The following ULK4 variants were observed in gnomAD, a reference collection of about 807,000 sequenced individuals.
The protein encoded by ULK4 is unc-51 like kinase 4.
ULK4 carries 133 observed loss-of-function variants against 160.6 expected under a neutral mutation model. The ratio of observed to expected loss-of-function variants is 0.83; its 90% confidence interval spans 0.72 to 0.96. The LOEUF (loss-of-function observed/expected upper bound fraction) is 0.96, where lower values mean the gene tolerates loss of function less well. Among genes scored for constraint, ULK4 ranks in the 40% least tolerant of loss-of-function variants. ULK4 has a pLI of 0.00. For missense variants in ULK4, 1,580 were observed against 1,499.5 expected (o/e 1.05, Z -0.89); for synonymous variants, 534 against 539.8 (o/e 0.99, Z 0.15).
At chr3:41,665,077 T>A (rs1420310647) in intron 29 of ULK4, among the ~76,000 whole-genome samples, 1 of 152,100 alleles carries the variant, frequency 6.6e-6, no homozygotes, top group Non-Finnish European at 1.5e-5. Flanking sequence ...AGCCAACAAC[T>A]AAAAAGGAAG....
In ULK4 at chr3:41,717,736, C is replaced by G. The variant is rs558297627; in HGVS notation, c.2447G>C (p.Arg816Pro). 1.2e-6 allele frequency: 2 copies of G among 1,611,790 alleles called. No individual in the cohort carries two copies. The highest frequency in any genetic ancestry group is 1.1e-5 in the South Asian group (1 of 90,820). Residue 816 changes from arginine (R) to proline (P), a missense_variant, in exon 23 of 37, where the codon CGA becomes CCA. By Grantham distance (103) the Arg-to-Pro change is moderately radical (BLOSUM62 -2). Coordinates refer to ENST00000301831, the MANE Select transcript of ULK4 (RefSeq NM_017886.4). ...ATGAGACTCCAATTTACCCAGGATT[C>G]GTGGCAGCTCCTGCACAATGTGACA... Reference protein sequence around the residue: ...LICHIVQELPRILGDILNSLA... With the variant: ...LICHIVQELPPILGDILNSLA...
At chr3:41,774,574 C>G (rs1036679891) in intron 21 of ULK4, among the ~76,000 whole-genome samples, 10 of 148,804 alleles carry the variant, frequency 6.7e-5, no homozygotes, top group East Asian at 3.9e-4. Flanking sequence ...CAGGAAACAA[C>G]AGGTGCTGGA....
chr3:41,577,296 G>A (rs2088223515), intron 31 of ULK4, among the ~76,000 whole-genome samples: 1 of 151,978 alleles, frequency 6.6e-6, no homozygotes, highest in Non-Finnish European at 1.5e-5. Context: ...GACCTTGGAA[G>A]AATCTTAGAG....
At chr3:41,952,159 C>T (rs1246172748) in intron 2 of ULK4, among the ~76,000 whole-genome samples, 1 of 151,810 alleles carries the variant, frequency 6.6e-6, no homozygotes, top group African/African-American at 2.4e-5. Flanking sequence ...TGGATATTTG[C>T]GTAAGACACC....
At chr3:41,334,630 TC>T (rs1447391322) in intron 35 of ULK4, among the ~76,000 whole-genome samples, 1 of 152,186 alleles carries the variant, frequency 6.6e-6, no homozygotes, top group Non-Finnish European at 1.5e-5. Context: ...CTCCTCCACT[TC>T]CAGGGCTCTC....
intron 32 of ULK4, among the ~76,000 whole-genome samples, chr3:41,510,498 A>G (rs1255315618): frequency 6.6e-6 from 1 of 152,240 alleles, no homozygotes; most frequent in African/African-American, 2.4e-5. Context: ...AGACATTTAC[A>G]GAACATTCTA....
chr3:41,772,631 T>C (rs1351824807), intron 21 of ULK4, among the ~76,000 whole-genome samples: 1 of 152,210 alleles, frequency 6.6e-6, no homozygotes, highest in Non-Finnish European at 1.5e-5. Flanking sequence ...AGCCGAATTC[T>C]ACCAGAGGTA....
At chr3:41,906,141 C>T (rs1259260345) in intron 12 of ULK4, among the ~76,000 whole-genome samples, 35 of 138,066 alleles carry the variant, frequency 2.5e-4, no homozygotes, top group African/African-American at 8.2e-4. Flanking sequence ...GGCGTGAACC[C>T]GGGAGGCGGA....
intron 32 of ULK4, among the ~76,000 whole-genome samples, chr3:41,562,987 A>T (rs2087650632): frequency 6.6e-6 from 1 of 152,188 alleles, no homozygotes; most frequent in South Asian, 2.1e-4. Flanking sequence ...ATGTTTTTGC[A>T]GTGGCTGCTA....
chr3:41,940,313 T>C (rs992438768), intron 2 of ULK4, among the ~76,000 whole-genome samples: 1 of 152,140 alleles, frequency 6.6e-6, no homozygotes, highest in Non-Finnish European at 1.5e-5. Flanking sequence ...AGATTGGATT[T>C]GAGACTGAGC....
chr3:41,601,114 C>A (rs895455966), intron 31 of ULK4, among the ~76,000 whole-genome samples: 1 of 152,050 alleles, frequency 6.6e-6, no homozygotes. Context: ...GAGAAAAAAT[C>A]CATTAAGTTA....
At chr3:41,750,969 A>AG (rs1006260474) in intron 22 of ULK4, among the ~76,000 whole-genome samples, 6 of 142,642 alleles carry the variant, frequency 4.2e-5, no homozygotes, top group African/African-American at 1.6e-4. Context: ...CTCAAAAAAA[A>AG]AAAAGAGAGA....
chr3:41,535,588 A>T lies in ULK4; in HGVS notation c.3226+30437T>A, dbSNP rs555980319. On this transcript the variant is annotated intron_variant, in intron 32 of 36. Transcript: ENST00000301831. ...CAGAATTGATCAAAAGCAAAGATTT[A>T]CAGTAGACTTCATTCAGACCACATA... Among the ~76,000 whole-genome samples the T allele has an allele frequency of 3.3e-5, 5 of 152,374 alleles. No homozygotes were observed. The South Asian group carries it at 1.0e-3, about 32-fold the overall frequency.
chr3:41,529,463 T>C (rs1416147736), intron 32 of ULK4, among the ~76,000 whole-genome samples: 1 of 152,186 alleles, frequency 6.6e-6, no homozygotes, highest in East Asian at 1.9e-4. Context: ...AAGCCCATTA[T>C]CTGAACATAT....
At chr3:41,515,329 A>C (rs2085714412) in intron 32 of ULK4, among the ~76,000 whole-genome samples, 1 of 152,180 alleles carries the variant, frequency 6.6e-6, no homozygotes, top group Non-Finnish European at 1.5e-5. Flanking sequence ...TAGATATGCT[A>C]AAGAGACAAA....
intron 19 of ULK4, among the ~76,000 whole-genome samples, chr3:41,810,054 T>TC (rs2040772061): frequency 6.6e-6 from 1 of 152,214 alleles, no homozygotes. Context: ...AACTTAGCTC[T>TC]CCACTATAGG....
chr3:41,569,015 A>C (rs1294543604), intron 31 of ULK4, among the ~76,000 whole-genome samples: 2 of 152,168 alleles, frequency 1.3e-5, no homozygotes, highest in African/African-American at 4.8e-5. Flanking sequence ...ATTTTACTAT[A>C]AAGGACATTA....
rs370415860 is a variant in ULK4, at chr3:41,378,052, G to T, written c.3678+20027C>A. On this transcript the variant is annotated intron_variant, in intron 35 of 36. Coordinates refer to ENST00000301831, the MANE Select transcript of ULK4 (RefSeq NM_017886.4). ...TGGAATACTATGCAGCCATAAAAAA[G>T]GATGAGTTCATGTCCTTTGTAGGGA... Among the ~76,000 whole-genome samples, 748 of 151,728 alleles carry T rather than the reference G, an allele frequency of 4.9e-3. 6 individuals carry two copies. The highest frequency in any genetic ancestry group is 0.017 in the African/African-American group (704 of 41,278).
At chr3:41,283,966 A>T (rs1006173910) in intron 35 of ULK4, among the ~76,000 whole-genome samples, 22 of 84,644 alleles carry the variant, frequency 2.6e-4, no homozygotes, top group African/African-American at 2.3e-3. Context: ...TAGCTGCCAA[A>T]AATAAATAAA....
Sources: allele counts gnomAD v4.1 joint callset (sites outside exome capture counted in the v4.1 genomes callset), GRCh38; gene constraint gnomAD v4.1.1; transcripts MANE v1.5; gene names NCBI Gene and HGNC (gene_info 2026-07-23, HGNC 2026-07-21).